The following DOCK9 variants were observed in gnomAD, a reference collection of about 807,000 sequenced individuals.
DOCK9 encodes the protein dedicator of cytokinesis protein 9.
A neutral mutation model predicts 263.3 loss-of-function variants in DOCK9; 89 were observed. That is an observed-to-expected ratio of 0.34 (90% CI 0.28 to 0.40). The LOEUF (loss-of-function observed/expected upper bound fraction) is 0.40. Ranked by LOEUF, DOCK9 falls within the 10% of genes least tolerant of loss-of-function variation. The pLI, the probability that DOCK9 is intolerant of heterozygous loss-of-function variation, is 1.00. For synonymous variants in DOCK9, 976 were observed against 973.1 expected (o/e 1.00, Z -0.06); for missense variants, 2,140 against 2,603.4 (o/e 0.82, Z 3.87).
Position 98,810,245 on chromosome 13 carries a change from T to C in DOCK9, c.5177A>G (p.Lys1726Arg), listed in dbSNP as rs1236501347. The change falls in exon 46 of 53, where the codon AAA (lysine) becomes AGA (arginine). Residue 1726 changes from lysine to arginine, a missense_variant. Transcript: ENST00000682017. Reference sequence around the variant, plus strand: ...GGCGATGAGCTCGTAGCGCTCGGCTTTCCAGAGTCCATCTGCGCACTGCTC... The same window carrying C: ...GGCGATGAGCTCGTAGCGCTCGGCTCTCCAGAGTCCATCTGCGCACTGCTC... Reference protein sequence around the residue: ...LLEQCADGLWKAERYELIADI... With the variant: ...LLEQCADGLWRAERYELIADI... The C allele has an allele frequency of 1.9e-6, 3 of 1,613,750 alleles. No homozygotes were observed. The Admixed American group carries it at 5.0e-5, about 27-fold the overall frequency.
intron 2 of DOCK9, among the ~76,000 whole-genome samples, chr13:98,940,089 T>G (rs1320306650): frequency 6.6e-6 from 1 of 152,252 alleles, no homozygotes; most frequent in South Asian, 2.1e-4. Flanking sequence ...TCAGAGCATA[T>G]GACTTGCTTT....
Position 98,853,538 on chromosome 13 carries a change from A to G in DOCK9, c.3832-16T>C. ...TTTGTTGGTGCTAAAAAGAAAATAC[A>G]GGTGATTTTTCTATTTAATTACGGG... On this transcript the variant is annotated splice_polypyrimidine_tract_variant and intron_variant, in intron 34 of 52. Coordinates refer to ENST00000682017, the MANE Select transcript of DOCK9 (RefSeq NM_001366683.2). 6.4e-7 allele frequency: 1 copy of G among 1,562,334 alleles called. No homozygotes were observed. Among genetic ancestry groups the G allele is most frequent in the African/African-American group, 1.4e-5 (1 of 73,582 alleles).
chr13:98,950,360 C>T (rs1391434228), intron 2 of DOCK9: 3 of 931,068 alleles, frequency 3.2e-6, no homozygotes, highest in African/African-American at 3.3e-5. Context: ...GCCTGCTTTG[C>T]CTGAGTGGCT....
intron 4 of DOCK9, among the ~76,000 whole-genome samples, chr13:98,925,425 T>G (rs2052775358): frequency 6.6e-6 from 1 of 152,212 alleles, no homozygotes; most frequent in South Asian, 2.1e-4. Flanking sequence ...TTGATTTACT[T>G]TTTTTAAAAA....
intron 49 of DOCK9, among the ~76,000 whole-genome samples, chr13:98,803,088 C>T (rs917835631): frequency 6.6e-6 from 1 of 152,148 alleles, no homozygotes; most frequent in Non-Finnish European, 1.5e-5. Flanking sequence ...TACAGGACCC[C>T]CAGGACAGCC....
intron 1 of DOCK9, among the ~76,000 whole-genome samples, chr13:98,983,686 G>A (rs1877790940): frequency 1.3e-5 from 2 of 150,408 alleles, no homozygotes; most frequent in African/African-American, 4.9e-5. Context: ...GCATGACCTC[G>A]GCTCACTGCA....
At chr13:98,853,584 T>A in intron 34 of DOCK9, 62 bp from the exon 35 acceptor site, 1 of 1,201,716 alleles carries the variant, frequency 8.3e-7, no homozygotes, top group African/African-American at 1.5e-5. Flanking sequence ...GTTTCCCTTT[T>A]CTCCCTTGGA....
rs71419743 is a variant in DOCK9 at position 99,038,288 on chromosome 13, C to CTTT, written c.129+47932_129+47934dup. ...GCTGAAAAACTGGCTTTATGCCCCC[C>CTTT]TTTTTTTTTTTTTTTTTTTTTTTTT... is the stretch of plus-strand genomic sequence containing the variant. On this transcript the variant is annotated intron_variant, in intron 1 of 32. Transcript: ENST00000427887. Among the ~76,000 whole-genome samples, 804 of 86,084 alleles carry CTTT rather than the reference C, an allele frequency of 9.3e-3. 22 individuals carry two copies. The highest frequency in any genetic ancestry group is 0.014 in the Middle Eastern group (2 of 138). 56.5% of individuals were successfully genotyped at this position (86,084 alleles called of 152,430 possible).
chr13:98,980,007 AAG>A (rs1331066422), upstream of DOCK9, among the ~76,000 whole-genome samples: 1 of 152,246 alleles, frequency 6.6e-6, no homozygotes, highest in African/African-American at 2.4e-5. Flanking sequence ...GGGCATTAAT[AAG>A]AGAAATGCTA....
chr13:98,795,804 G>A (rs1293673321), intron 52 of DOCK9, among the ~76,000 whole-genome samples: 2 of 151,410 alleles, frequency 1.3e-5, no homozygotes, highest in Non-Finnish European at 2.9e-5. Context: ...TGTGGCCCAG[G>A]CTAGAGGGTA....
intron 27 of DOCK9, among the ~76,000 whole-genome samples, chr13:98,868,603 T>C (rs2094108250): frequency 6.6e-6 from 1 of 151,972 alleles, no homozygotes; most frequent in Admixed American, 6.6e-5. Flanking sequence ...ATCTGTACAA[T>C]AATTAGGTGG....
At chr13:99,036,510 T>C (rs773383613) in intron 1 of DOCK9, among the ~76,000 whole-genome samples, 10 of 152,130 alleles carry the variant, frequency 6.6e-5, no homozygotes, top group Non-Finnish European at 7.4e-5. Context: ...AAACAAATCA[T>C]TGTAGTTAGT....
At chr13:99,049,689 C>A (rs966763957) in intron 1 of DOCK9, among the ~76,000 whole-genome samples, 1 of 152,140 alleles carries the variant, frequency 6.6e-6, no homozygotes, top group Non-Finnish European at 1.5e-5. Context: ...TAATTTTCTA[C>A]AATTTTTTTG....
chr13:99,028,599 G>A (rs1043104327), intron 1 of DOCK9, among the ~76,000 whole-genome samples: 1 of 152,134 alleles, frequency 6.6e-6, no homozygotes, highest in Non-Finnish European at 1.5e-5. Flanking sequence ...CCTTCTTCTT[G>A]CATTATTTAT....
At chr13:98,880,312 T>C (rs548716856) in intron 26 of DOCK9, among the ~76,000 whole-genome samples, 1 of 152,154 alleles carries the variant, frequency 6.6e-6, no homozygotes, top group African/African-American at 2.4e-5. Context: ...TAGACCTTCA[T>C]CACTGATTTG....
chr13:98,954,276 G>A (rs1223430888), intron 2 of DOCK9, among the ~76,000 whole-genome samples: 2 of 150,526 alleles, frequency 1.3e-5, no homozygotes, highest in African/African-American at 4.9e-5. Context: ...ATTCACAAAA[G>A]ACAGGGCTTA....
In DOCK9 at chr13:98,915,317, A is replaced by C; in HGVS notation, c.892+12T>G. Reference sequence around the variant, plus strand: ...AGTGTGTATGTGCCTGGGGGAAGCCAAGCCTATCTACCTTCGTGAGAGTCG... The same window carrying C: ...AGTGTGTATGTGCCTGGGGGAAGCCCAGCCTATCTACCTTCGTGAGAGTCG... On this transcript the variant is annotated intron_variant, in intron 8 of 52. Transcript: ENST00000682017. 6.2e-7 allele frequency: 1 copy of C among 1,611,884 alleles called. No individual in the cohort carries two copies. Among genetic ancestry groups the C allele is most frequent in the Non-Finnish European group, 8.5e-7 (1 of 1,178,968 alleles).
At chr13:99,021,430 G>A (rs1257438675) in intron 1 of DOCK9, among the ~76,000 whole-genome samples, 1 of 152,172 alleles carries the variant, frequency 6.6e-6, no homozygotes, top group Non-Finnish European at 1.5e-5. Flanking sequence ...ACGAGGTCAG[G>A]TGATTGAGAC....
At chr13:98,897,985 G>C (rs1351605536) in intron 14 of DOCK9, among the ~76,000 whole-genome samples, 194 bp downstream of exon 14, 2 of 152,134 alleles carry the variant, frequency 1.3e-5, no homozygotes, top group African/African-American at 4.8e-5. Context: ...GCCAGTTCCA[G>C]GTAGCACTTC....
Sources: allele counts gnomAD v4.1 joint callset (sites outside exome capture counted in the v4.1 genomes callset), GRCh38; gene constraint gnomAD v4.1.1; transcripts MANE v1.5; gene names NCBI Gene and HGNC (gene_info 2026-07-23, HGNC 2026-07-21).